EFHD1: variants seen among roughly 807,000 people sequenced by gnomAD.
The protein encoded by EFHD1 is EF-hand domain-containing protein D1.
Under a neutral mutation model 17.2 loss-of-function variants are expected in EFHD1, and 10 were observed. The ratio of observed to expected loss-of-function variants is 0.58; its 90% CI spans 0.36 to 0.99. The LOEUF is 0.99. EFHD1 is among the 50% of genes least tolerant of loss of function. The probability of loss-of-function intolerance (pLI) is 0.01; values close to 1 mark genes in which losing one functional copy is unlikely to be tolerated. For missense variants in EFHD1, 310 were observed against 327.5 expected (o/e 0.95, Z 0.41); for synonymous variants, 153 against 142.0 (o/e 1.08, Z -0.55).
intron 2 of EFHD1, among the ~76,000 whole-genome samples, chr2:232,670,656 A>G (rs1214163534): frequency 3.0e-5 from 4 of 134,300 alleles, no homozygotes; most frequent in African/African-American, 5.0e-5. Flanking sequence ...AAATATTTAC[A>G]TGGTTAAAAA....
At position 232,647,846 on chromosome 2, in the gene EFHD1, A is replaced by G. The variant is rs1694563441; in HGVS notation, c.302+13840A>G. Among the ~76,000 whole-genome samples the G allele has an allele frequency of 2.0e-5, 3 of 152,080 alleles. No individual in the cohort carries two copies. In the South Asian group the frequency reaches 6.2e-4, roughly 31 times the overall value. ...GAAACGGGGTTTCACCAGGTTGGCC[A>G]GGCTGGTCTCAAACTCCTGACCTCA... On this transcript the variant is annotated intron_variant, in intron 1 of 3. Coordinates refer to ENST00000264059, the MANE Select transcript of EFHD1 (RefSeq NM_025202.4).
chr2:232,675,550 A>T (rs1686865270), intron 3 of EFHD1, among the ~76,000 whole-genome samples: 1 of 152,154 alleles, frequency 6.6e-6, no homozygotes, highest in South Asian at 2.1e-4. Context: ...GGTGGGTTTC[A>T]GGAAACGTGT....
intron 1 of EFHD1, among the ~76,000 whole-genome samples, chr2:232,634,575 C>T (rs1008845055): frequency 3.9e-5 from 6 of 151,910 alleles, no homozygotes; most frequent in African/African-American, 1.4e-4. Context: ...CCTGGGGGCG[C>T]GGGGAGGGGG....
rs868781883 is a variant in EFHD1, at chr2:232,634,944, G to A, written c.302+938G>A. Among the ~76,000 whole-genome samples the A allele has an allele frequency of 1.8e-4, 27 of 152,382 alleles. 1 individual carries two copies. The Middle Eastern group carries it at 0.01, about 58-fold the overall frequency. ...TGCTTGGGCGTTTTTAAAAGCGCAT[G>A]GAATGTGTTTGCCCTCCGCGTGGAG... On this transcript the variant is annotated intron_variant, in intron 1 of 3. Coordinates refer to ENST00000264059, the MANE Select transcript of EFHD1 (RefSeq NM_025202.4).
intron 1 of EFHD1, among the ~76,000 whole-genome samples, chr2:232,623,472 G>C (rs986814313): frequency 6.6e-6 from 1 of 151,490 alleles, no homozygotes; most frequent in African/African-American, 2.4e-5. Flanking sequence ...CCAGGAGTTC[G>C]AGACCAGCCT....
Position 232,681,761 on chromosome 2 carries a change from A to T in EFHD1, c.*42A>T. 1.2e-6 allele frequency: 2 copies of T among 1,602,658 alleles called. No homozygotes were observed. The highest frequency in any genetic ancestry group is 1.3e-5 in the African/African-American group (1 of 74,714). ...CTCTGCCCACAGCTGTGCCTCACAG[A>T]TGCCCCGAGAAGAGATGACTAGGCA... On this transcript the variant is annotated 3_prime_UTR_variant, in exon 4 of 4. Transcript: ENST00000264059.
intron 1 of EFHD1, chr2:232,606,299 C>A: frequency 8.6e-7 from 1 of 1,163,332 alleles, no homozygotes; most frequent in Non-Finnish European, 1.3e-6. Context: ...GGAGGGCACT[C>A]CCGGCCCTCG....
intron 2 of EFHD1, among the ~76,000 whole-genome samples, chr2:232,669,469 C>T (rs1283492537): frequency 6.6e-6 from 1 of 152,108 alleles, no homozygotes; most frequent in Non-Finnish European, 1.5e-5. Context: ...CTCTCACCGG[C>T]ATGAAACACA....
chr2:232,646,436 CTTTTTTTTT>C (rs71398729), intron 1 of EFHD1, among the ~76,000 whole-genome samples: 5 of 67,176 alleles, frequency 7.4e-5, no homozygotes, highest in East Asian at 3.7e-4. Flanking sequence ...CTCTTCTCTT[CTTTTTTTTT>C]TTTTTTTTTT....
chr2:232,612,996 G>C (rs1249265130), intron 1 of EFHD1, among the ~76,000 whole-genome samples: 3 of 151,966 alleles, frequency 2.0e-5, no homozygotes, highest in African/African-American at 7.3e-5. Context: ...GCCTCCCAAA[G>C]TGCTGGGATT....
Position 232,677,640 on chromosome 2 carries a change from T to C in EFHD1, c.586-3945T>C. ...CAGGAGGCTGAATTGGGAGGAACAC[T>C]TGAGCCTGGGAGATTGAGGCTGCAA... On this transcript the variant is annotated intron_variant, in intron 3 of 3. Coordinates refer to ENST00000264059, the MANE Select transcript of EFHD1 (RefSeq NM_025202.4). Among the ~76,000 whole-genome samples the C allele has an allele frequency of 1.3e-5, 2 of 152,148 alleles. 1 individual carries two copies. Among genetic ancestry groups the C allele is most frequent in the Non-Finnish European group, 2.9e-5 (2 of 68,030 alleles).
chr2:232,623,445 G>A (rs1011799948), intron 1 of EFHD1, among the ~76,000 whole-genome samples: 1 of 151,794 alleles, frequency 6.6e-6, no homozygotes, highest in African/African-American at 2.4e-5. Context: ...AGGCCGAGGC[G>A]GGTGGATCAC....
At chr2:232,677,000 T>TAAAAC (rs149948080) in intron 3 of EFHD1, among the ~76,000 whole-genome samples, 84 of 151,904 alleles carry the variant, frequency 5.5e-4, no homozygotes, top group Admixed American at 4.6e-4. Flanking sequence ...ACCCTGCCTC[T>TAAAAC]AAAACAAAAC....
intron 1 of EFHD1, among the ~76,000 whole-genome samples, chr2:232,645,413 C>A (rs766140079): frequency 3.9e-5 from 6 of 152,178 alleles, no homozygotes; most frequent in African/African-American, 9.6e-5. Context: ...GACATCTCCA[C>A]CCCCAGGTTT....
intron 1 of EFHD1, among the ~76,000 whole-genome samples, chr2:232,640,574 A>G (rs567426773): frequency 6.6e-6 from 1 of 152,312 alleles, no homozygotes; most frequent in East Asian, 1.9e-4. Context: ...CAGTTTATAT[A>G]TACTTGTATA....
intron 2 of EFHD1, among the ~76,000 whole-genome samples, chr2:232,669,622 A>T (rs184901062): frequency 8.3e-5 from 11 of 132,806 alleles, no homozygotes; most frequent in Admixed American, 1.6e-4. Flanking sequence ...TTTTTTTTAG[A>T]CAGAGTCTTG....
chr2:232,675,288 A>G (rs1399471468), intron 3 of EFHD1, among the ~76,000 whole-genome samples: 1 of 152,084 alleles, frequency 6.6e-6, no homozygotes, highest in Non-Finnish European at 1.5e-5. Flanking sequence ...GAATATGGTG[A>G]TCAGGAAACT....
intron 1 of EFHD1, among the ~76,000 whole-genome samples, chr2:232,650,623 C>T (rs1694633164): frequency 7.3e-6 from 1 of 136,374 alleles, no homozygotes; most frequent in Non-Finnish European, 1.5e-5. Flanking sequence ...GGCTGGAGTG[C>T]AGTGGTGCGA....
intron 1 of EFHD1, among the ~76,000 whole-genome samples, chr2:232,626,987 C>A (rs552417270): frequency 3.6e-4 from 54 of 149,170 alleles, no homozygotes; most frequent in African/African-American, 1.3e-3. Context: ...AAGTTCAAGA[C>A]CAGCCTGGGC....
Sources: gnomAD v4.1 joint callset for allele counts (sites outside exome capture counted in the v4.1 genomes callset) on GRCh38, gnomAD v4.1.1 for gene constraint, MANE v1.5 for transcripts, NCBI Gene and HGNC (gene_info 2026-07-23, HGNC 2026-07-21) for gene names.